ZDHHC5: variants seen among roughly 807,000 people sequenced by gnomAD.
ZDHHC5 encodes palmitoyltransferase ZDHHC5.
Under a neutral mutation model 70.0 loss-of-function variants are expected in ZDHHC5, and 22 were observed. The ratio of observed to expected loss-of-function variants is 0.31; its 90% CI spans 0.22 to 0.45. ZDHHC5 has a LOEUF of 0.45. ZDHHC5 is among the 20% of genes least tolerant of loss of function. The pLI is 1.00. For synonymous variants in ZDHHC5, 313 were observed against 347.8 expected (o/e 0.90, Z 1.11); for missense variants, 746 against 926.9 (o/e 0.80, Z 2.53).
At chr11:57,669,634 T>C (rs930377542) in intron 1 of ZDHHC5, among the ~76,000 whole-genome samples, 8 of 152,168 alleles carry the variant, frequency 5.3e-5, no homozygotes, top group Admixed American at 3.9e-4. Flanking sequence ...TTTGTTTGTA[T>C]TTTTAGTAGA....
chr11:57,699,558 T>G (rs1946412716), intron 11 of ZDHHC5, 140 bp downstream of exon 11: 5 of 1,296,232 alleles, frequency 3.9e-6, no homozygotes, highest in Non-Finnish European at 5.2e-6. Flanking sequence ...TCACTTTGAC[T>G]CTACCTGCCT....
At chr11:57,690,003 C>T (rs755504239) in intron 4 of ZDHHC5, 28 bp from the exon 5 acceptor site, 1 of 1,610,990 alleles carries the variant, frequency 6.2e-7, no homozygotes, top group Non-Finnish European at 8.5e-7. Flanking sequence ...TCCAGGGATG[C>T]CTCTCATCTG....
At chr11:57,670,509 GTT>G (rs1316050964) in intron 1 of ZDHHC5, among the ~76,000 whole-genome samples, 1 of 151,866 alleles carries the variant, frequency 6.6e-6, no homozygotes, top group Non-Finnish European at 1.5e-5. Context: ...CAAATCAAGA[GTT>G]TGCTTTTGTT....
chr11:57,685,618 T>C (rs1946199258), intron 3 of ZDHHC5, among the ~76,000 whole-genome samples: 1 of 151,124 alleles, frequency 6.6e-6, no homozygotes, highest in Admixed American at 6.6e-5. Flanking sequence ...CATTGCACTC[T>C]AGCCTGGGCG....
In ZDHHC5 at chr11:57,689,592, G is replaced by A. The variant is rs867407106; in HGVS notation, c.385-439G>A. Reference sequence around the variant, plus strand: ...GGGGTTTCACCATGTTGGTCAGGCTGGTCTTGAACTCCTGACCTCGTGATC... The same window carrying A: ...GGGGTTTCACCATGTTGGTCAGGCTAGTCTTGAACTCCTGACCTCGTGATC... On this transcript the variant is annotated intron_variant, in intron 4 of 11. Transcript: ENST00000287169. Among the ~76,000 whole-genome samples, 11 of 151,802 alleles carry A rather than the reference G, an allele frequency of 7.2e-5. No individual in the cohort carries two copies. In the South Asian group the frequency reaches 1.7e-3, roughly 23 times the overall value.
At chr11:57,683,156 A>G (rs1230676014) in intron 3 of ZDHHC5, among the ~76,000 whole-genome samples, 1 of 152,238 alleles carries the variant, frequency 6.6e-6, no homozygotes, top group Non-Finnish European at 1.5e-5. Flanking sequence ...GATGTTATGC[A>G]TGGTGTGACC....
intron 8 of ZDHHC5, among the ~76,000 whole-genome samples, chr11:57,695,582 G>A (rs576378070): frequency 3.3e-5 from 5 of 152,126 alleles, no homozygotes; most frequent in African/African-American, 1.2e-4. Context: ...GAGGCCAGGG[G>A]TTCAAGACCA....
chr11:57,670,588 A>G (rs1945992805), intron 1 of ZDHHC5, among the ~76,000 whole-genome samples: 6 of 152,208 alleles, frequency 3.9e-5, no homozygotes, highest in Admixed American at 3.9e-4. Context: ...TGAGAGTTAA[A>G]TAATCATTAA....
chr11:57,678,939 GT>G (rs1391152332), intron 2 of ZDHHC5, among the ~76,000 whole-genome samples: 1 of 152,150 alleles, frequency 6.6e-6, no homozygotes, highest in African/African-American at 2.4e-5. Context: ...AAGTAACAAG[GT>G]TGGAGAGTTT....
chr11:57,696,881 G>A lies in ZDHHC5; in HGVS notation c.1122+8G>A. The A allele has an allele frequency of 6.2e-7, 1 of 1,612,806 alleles. No individual in the cohort carries two copies. The highest frequency in any genetic ancestry group is 8.5e-7 in the Non-Finnish European group (1 of 1,179,228). ...CATTCCTCCAGCGCCAAGGTACTGA[G>A]TACTCTAAGAGGTGGGGTAATAACA... is the stretch of plus-strand genomic sequence containing the variant. On this transcript the variant is annotated splice_region_variant and intron_variant, in intron 10 of 11. Coordinates refer to ENST00000287169, the MANE Select transcript of ZDHHC5 (RefSeq NM_015457.3).
chr11:57,674,166 T>C (rs1946041882), intron 2 of ZDHHC5, among the ~76,000 whole-genome samples: 3 of 152,182 alleles, frequency 2.0e-5, no homozygotes, highest in Admixed American at 1.3e-4. Context: ...ATTTTCCCAT[T>C]ACTTGGTTCT....
intron 6 of ZDHHC5, among the ~76,000 whole-genome samples, chr11:57,691,528 A>G (rs1251403586): frequency 2.0e-5 from 3 of 152,156 alleles, no homozygotes; most frequent in Non-Finnish European, 4.4e-5. Context: ...AATAATATCT[A>G]TCTCCAAAGA....
Position 57,695,945 on chromosome 11 carries a change from A to G in ZDHHC5, c.911A>G (p.Glu304Gly). Reference sequence around the variant, plus strand: ...TCTAAGGGAAGCCTGGAGATAACAGAGAGCCAGTCTGCAGATGCTGAACCT... The same window carrying G: ...TCTAAGGGAAGCCTGGAGATAACAGGGAGCCAGTCTGCAGATGCTGAACCT... ...TKSKGSLEIT[E>G]SQSADAEPPP... Residue 304 changes from glutamate (E) to glycine (G), a missense_variant, in exon 9 of 12, where the codon GAG becomes GGG. Physicochemically the swap from Glu to Gly is moderately conservative, Grantham distance 98 (BLOSUM62 -2). Coordinates refer to ENST00000287169, the MANE Select transcript of ZDHHC5 (RefSeq NM_015457.3). 4 of 1,614,136 alleles carry G rather than the reference A, an allele frequency of 2.5e-6. No homozygotes were observed. The highest frequency in any genetic ancestry group is 3.4e-6 in the Non-Finnish European group (4 of 1,180,004).
intron 8 of ZDHHC5, among the ~76,000 whole-genome samples, chr11:57,695,373 T>C (rs1480936748): frequency 6.6e-6 from 1 of 151,710 alleles, no homozygotes; most frequent in Non-Finnish European, 1.5e-5. Flanking sequence ...TGAGCCGTGA[T>C]CACGCCACTG....
chr11:57,677,168 G>A (rs1390328839), intron 2 of ZDHHC5, among the ~76,000 whole-genome samples: 11 of 149,986 alleles, frequency 7.3e-5, no homozygotes, highest in Non-Finnish European at 1.3e-4. Context: ...TGATCTGCCC[G>A]CCTCAGCCTC....
At chr11:57,673,313 C>T in intron 2 of ZDHHC5, 119 bp downstream of exon 2, 2 of 840,080 alleles carry the variant, frequency 2.4e-6, no homozygotes, top group Non-Finnish European at 3.8e-6. Context: ...GCGTCTGGTA[C>T]AGGTAAATCC....
rs113494839 is a variant in ZDHHC5, at chr11:57,698,118, A to AACACACACACACACACACACAC, written c.1123-431_1123-410dup. Among the ~76,000 whole-genome samples, 541 of 110,334 alleles carry AACACACACACACACACACACAC rather than the reference A, an allele frequency of 4.9e-3. 2 individuals are homozygous for AACACACACACACACACACACAC. The highest frequency in any genetic ancestry group is 0.014 in the African/African-American group (507 of 36,012). The allele number at this position is 110,334 out of a possible 152,430, so 72.4% of individuals were successfully genotyped here. A position where few individuals can be genotyped will look rare whatever the true frequency, so the allele number is the denominator to read the frequency against. On this transcript the variant is annotated intron_variant, in intron 10 of 11. Coordinates refer to ENST00000287169, the MANE Select transcript of ZDHHC5 (RefSeq NM_015457.3). The stretch of plus-strand genomic sequence containing the variant: ...CCATCACGCTCCAGCCTGGGCTTAA[A>AACACACACACACACACACACAC]ACACACACACACACACACACACACA...
In ZDHHC5 at chr11:57,700,825, C is replaced by T. The variant is rs182641182; in HGVS notation, c.*794C>T. 5.2e-5 allele frequency: 8 copies of T among 152,754 alleles called. No homozygotes were observed. The East Asian group carries it at 1.3e-3, about 26-fold the overall frequency. 9.5% of individuals were successfully genotyped at this position (152,754 alleles called of 1,614,324 possible). A position where few individuals can be genotyped will look rare whatever the true frequency, so the allele number is the denominator to read the frequency against. On this transcript the variant is annotated 3_prime_UTR_variant, in exon 12 of 12. Coordinates refer to ENST00000287169, the MANE Select transcript of ZDHHC5 (RefSeq NM_015457.3). ...CTAGCTCAAACAATATTGGATAATC[C>T]CCTCCTTGGGGGAGAGGGATTAGAG...
chr11:57,699,070 A>G lies in ZDHHC5; in HGVS notation c.1634A>G (p.Gln545Arg). ...TCGCGCCACATTGTGGCCTCTCTCC[A>G]GGAACGAGAGAAGTTGCTGCGCCAG... ...NLSRHIVASL[Q>R]EREKLLRQSP... is the part of the protein sequence containing the mutation. Residue 545 changes from glutamine (Q) to arginine (R), a missense_variant, in exon 11 of 12, where the codon CAG becomes CGG. Gln to Arg is a conservative substitution (Grantham distance 43, BLOSUM62 1). Transcript: ENST00000287169. The G allele has an allele frequency of 1.9e-6, 3 of 1,613,326 alleles. No individual in the cohort carries two copies. The South Asian group carries it at 3.3e-5, about 18-fold the overall frequency.
Sources: allele counts gnomAD v4.1 joint callset (sites outside exome capture counted in the v4.1 genomes callset), GRCh38; gene constraint gnomAD v4.1.1; transcripts MANE v1.5; gene names NCBI Gene and HGNC (gene_info 2026-07-23, HGNC 2026-07-21).